The following OSBP2 variants were observed in gnomAD, a reference collection of about 807,000 sequenced individuals.
OSBP2 encodes oxysterol binding protein 2, also known as oxysterol-binding protein 2.
OSBP2 carries 66 observed loss-of-function variants against 96.0 expected under a neutral mutation model. The observed-to-expected ratio is 0.69, with a 90% CI of 0.56 to 0.84. OSBP2 has a LOEUF of 0.84. Ranked by LOEUF, OSBP2 falls within the 40% of genes least tolerant of loss-of-function variation. OSBP2 has a pLI of 0.00. For synonymous variants in OSBP2, 525 were observed against 520.9 expected (o/e 1.01, Z -0.11); for missense variants, 1,038 against 1,222.7 (o/e 0.85, Z 2.25).
At chr22:30,799,370 C>T (rs1044770578) in intron 2 of OSBP2, among the ~76,000 whole-genome samples, 13 of 152,328 alleles carry the variant, frequency 8.5e-5, no homozygotes, top group East Asian at 1.9e-4. Flanking sequence ...GTGATCTGCC[C>T]GGCTTGGCCT....
intron 12 of OSBP2, among the ~76,000 whole-genome samples, chr22:30,897,542 A>C (rs1377971156): frequency 6.6e-6 from 1 of 152,240 alleles, no homozygotes; most frequent in Admixed American, 6.5e-5. Context: ...CAAAATGACC[A>C]AAAAATCCCA....
At chr22:30,790,284 G>A (rs1462807291) in intron 2 of OSBP2, among the ~76,000 whole-genome samples, 1 of 151,958 alleles carries the variant, frequency 6.6e-6, no homozygotes, top group Non-Finnish European at 1.5e-5. Flanking sequence ...TGGCACTGCT[G>A]TGGACCCACT....
intron 1 of OSBP2, among the ~76,000 whole-genome samples, chr22:30,710,145 A>G (rs1427796206): frequency 3.3e-5 from 5 of 150,240 alleles, no homozygotes; most frequent in Non-Finnish European, 7.4e-5. Flanking sequence ...TCAGCCTCCC[A>G]AAGTGCTGCG....
chr22:30,883,728 A>T (rs2039747876), intron 3 of OSBP2, among the ~76,000 whole-genome samples: 1 of 152,114 alleles, frequency 6.6e-6, no homozygotes. Context: ...TACCCAACTC[A>T]TGGGGCTTCT....
At chr22:30,893,589 GGGTGCAT>G in intron 10 of OSBP2, 23 bp downstream of exon 10, 4 of 1,613,162 alleles carry the variant, frequency 2.5e-6, no homozygotes, top group Non-Finnish European at 3.4e-6. Flanking sequence ...CTTGGGGAGG[GGGTGCAT>G]GGCCCGGGGG....
At chr22:30,806,614 G>C (rs956941799) in intron 2 of OSBP2, among the ~76,000 whole-genome samples, 5 of 152,186 alleles carry the variant, frequency 3.3e-5, no homozygotes, top group Admixed American at 6.5e-5. Context: ...GGAGGTGTTG[G>C]GGGGAGGAGA....
At chr22:30,767,303 T>C (rs1399315566) in intron 2 of OSBP2, among the ~76,000 whole-genome samples, 1 of 151,338 alleles carries the variant, frequency 6.6e-6, no homozygotes, top group African/African-American at 2.4e-5. Context: ...GAGCAAGACT[T>C]TCTCTCTCTT....
At chr22:30,738,715 C>T (rs1158099724) in intron 1 of OSBP2, among the ~76,000 whole-genome samples, 1 of 152,086 alleles carries the variant, frequency 6.6e-6, no homozygotes, top group South Asian at 2.1e-4. Flanking sequence ...TACCCGCCAC[C>T]GTGCCCGGCT....
chr22:30,760,598 T>C (rs1413498362), intron 2 of OSBP2, among the ~76,000 whole-genome samples: 1 of 152,064 alleles, frequency 6.6e-6, no homozygotes, highest in East Asian at 1.9e-4. Context: ...GGCAGATCAC[T>C]TGAAGTCAGG....
At position 30,893,938 on chromosome 22, in the gene OSBP2, G is replaced by A; in HGVS notation, c.2312G>A (p.Gly771Glu). 1.9e-6 allele frequency: 3 copies of A among 1,598,798 alleles called. No individual in the cohort carries two copies. The highest frequency in any genetic ancestry group is 2.6e-6 in the Non-Finnish European group (3 of 1,173,092). Reference protein sequence around the residue: ...HSSPSSPSSDGKQKTVYQTLS... With the variant: ...HSSPSSPSSDEKQKTVYQTLS... ...AGTCCCAGCAGCCCCAGCTCTGACG[G>A]GAAGCAGAAGACAGTGTACCAGACC... is the stretch of plus-strand genomic sequence containing the variant. The change falls in exon 12 of 14, where the codon GGG becomes GAG. Residue 771 changes from glycine to glutamate, a missense_variant. Physicochemically the swap from Gly to Glu is moderately conservative, Grantham distance 98. Transcript: ENST00000332585.
At chr22:30,766,613 G>A (rs1311537943) in intron 2 of OSBP2, among the ~76,000 whole-genome samples, 1 of 152,278 alleles carries the variant, frequency 6.6e-6, no homozygotes, top group East Asian at 1.9e-4. Context: ...CCAAAAAGCA[G>A]ATGGTCAGAC....
chr22:30,886,886 A>T (rs1355316989), intron 3 of OSBP2, among the ~76,000 whole-genome samples: 1 of 152,192 alleles, frequency 6.6e-6, no homozygotes, highest in Non-Finnish European at 1.5e-5. Flanking sequence ...CTTGGATCTC[A>T]CACAAGAAAG....
chr22:30,760,695 A>C (rs1357142164), intron 2 of OSBP2, among the ~76,000 whole-genome samples: 1 of 152,108 alleles, frequency 6.6e-6, no homozygotes, highest in Non-Finnish European at 1.5e-5. Context: ...GCACACCTGT[A>C]GTCTCAGCTA....
chr22:30,724,800 G>T (rs2145710144), intron 1 of OSBP2, among the ~76,000 whole-genome samples: 1 of 152,278 alleles, frequency 6.6e-6, no homozygotes, highest in East Asian at 1.9e-4. Context: ...AACAGACAAT[G>T]ATAAAGTAAA....
intron 2 of OSBP2, among the ~76,000 whole-genome samples, chr22:30,783,999 A>G (rs1377602510): frequency 6.6e-6 from 1 of 152,222 alleles, no homozygotes; most frequent in Non-Finnish European, 1.5e-5. Context: ...TTCCAGGAAG[A>G]GGCTTCAGAA....
intron 2 of OSBP2, among the ~76,000 whole-genome samples, chr22:30,808,392 A>G (rs145915219): frequency 1.7e-3 from 263 of 152,280 alleles, no homozygotes; most frequent in African/African-American, 5.4e-3. Flanking sequence ...CTGTAGTCCC[A>G]GCTACTCAGG....
At chr22:30,752,000 T>A (rs1286718372) in intron 2 of OSBP2, among the ~76,000 whole-genome samples, 1 of 151,964 alleles carries the variant, frequency 6.6e-6, no homozygotes, top group Non-Finnish European at 1.5e-5. Context: ...AGAGTACCTG[T>A]GTCAGTCACA....
intron 1 of OSBP2, among the ~76,000 whole-genome samples, chr22:30,702,844 C>T (rs556241806): frequency 6.6e-6 from 1 of 152,286 alleles, no homozygotes; most frequent in African/African-American, 2.4e-5. Context: ...CTTTGTATTC[C>T]ACATAGAGCC....
intron 3 of OSBP2, among the ~76,000 whole-genome samples, chr22:30,876,553 AG>A (rs1345939454): frequency 6.6e-6 from 1 of 152,236 alleles, no homozygotes; most frequent in East Asian, 1.9e-4. Flanking sequence ...TGGTGGGCCC[AG>A]CAGCCTCTCC....
Sources: gnomAD v4.1 joint callset for allele counts (sites outside exome capture counted in the v4.1 genomes callset) on GRCh38, gnomAD v4.1.1 for gene constraint, MANE v1.5 for transcripts, NCBI Gene and HGNC (gene_info 2026-07-23, HGNC 2026-07-21) for gene names.